The following TEX11 variants were observed in gnomAD, a reference collection of about 807,000 sequenced individuals.
TEX11 encodes the protein testis expressed 11.
In TEX11, 7 loss-of-function variants were observed where a neutral mutation model predicts 84.4. The ratio of observed to expected loss-of-function variants is 0.08; its 90% confidence interval spans 0.05 to 0.16. The LOEUF (loss-of-function observed/expected upper bound fraction) is 0.16. TEX11 is among the 10% of genes least tolerant of loss of function. The probability of loss-of-function intolerance (pLI) is 1.00; values close to 1 mark genes in which losing one functional copy is unlikely to be tolerated. For synonymous variants in TEX11, 264 were observed against 222.8 expected, an observed-to-expected ratio of 1.18 and a Z score of -1.64; for missense variants, 551 against 660.5, an observed-to-expected ratio of 0.83 and a Z score of 1.82.
intron 7 of TEX11, among the ~76,000 whole-genome samples, chrX:70,842,240 C>T: frequency 9.0e-6 from 1 of 111,597 alleles, no homozygotes. Context: ...CAGTAAAATA[C>T]TCACAAACCG....
intron 25 of TEX11, among the ~76,000 whole-genome samples, chrX:70,584,134 T>A (rs1201795675): frequency 2.9e-5 from 3 of 101,713 alleles, no homozygotes; most frequent in African/African-American, 1.1e-4. Flanking sequence ...AAAAAAAAAA[T>A]TAGCCGGGCG....
intron 25 of TEX11, among the ~76,000 whole-genome samples, chrX:70,564,495 C>A (rs906915285): frequency 2.0e-4 from 22 of 108,868 alleles, no homozygotes; most frequent in Non-Finnish European, 3.8e-4. Context: ...TGATGGTGTG[C>A]TGCACCCATT....
intron 4 of TEX11, among the ~76,000 whole-genome samples, chrX:70,869,648 T>C (rs1217489374): frequency 9.0e-6 from 1 of 111,369 alleles, no homozygotes; most frequent in Non-Finnish European, 1.9e-5. Context: ...TGATGCCACA[T>C]GCCTTGTAGT....
intron 28 of TEX11, among the ~76,000 whole-genome samples, chrX:70,535,033 G>C (rs1361688168): frequency 2.7e-5 from 3 of 111,368 alleles, no homozygotes; most frequent in Non-Finnish European, 5.7e-5. Flanking sequence ...TTATAGATTG[G>C]CCTTTTCTGG....
At chrX:70,615,659 GAT>G (rs2089309829) in intron 20 of TEX11, among the ~76,000 whole-genome samples, 1 of 111,622 alleles carries the variant, frequency 9.0e-6, no homozygotes, top group African/African-American at 3.3e-5. Flanking sequence ...TCTAGAGAAA[GAT>G]ATCAATATCC....
intron 2 of TEX11, among the ~76,000 whole-genome samples, chrX:70,894,179 T>C (rs1056263160): frequency 9.0e-6 from 1 of 110,931 alleles, no homozygotes; most frequent in Non-Finnish European, 1.9e-5. Flanking sequence ...TCCGAAACTA[T>C]TCCAAACAAT....
At chrX:70,648,153 TATAG>T (rs1315919156) in intron 17 of TEX11, among the ~76,000 whole-genome samples, 3 of 111,041 alleles carry the variant, frequency 2.7e-5, no homozygotes, top group Admixed American at 9.6e-5. Context: ...CTCAGCAAAC[TATAG>T]TAAGGACAAA....
At chrX:70,527,424 A>G (rs772658686), downstream of TEX11, among the ~76,000 whole-genome samples, 1 of 111,930 alleles carries the variant, frequency 8.9e-6, no homozygotes, top group Admixed American at 9.6e-5. Flanking sequence ...ACTGAAGCTA[A>G]TCATTAGGAA....
At chrX:70,671,121 A>T (rs1189107112) in intron 15 of TEX11, among the ~76,000 whole-genome samples, 7 of 111,837 alleles carry the variant, frequency 6.3e-5, no homozygotes, top group Non-Finnish European at 1.9e-5. Flanking sequence ...TTACTATTGT[A>T]ATTGATGCTG....
At chrX:70,729,315 T>C (rs1231959492) in intron 11 of TEX11, among the ~76,000 whole-genome samples, 1 of 112,342 alleles carries the variant, frequency 8.9e-6, no homozygotes, top group Non-Finnish European at 1.9e-5. Flanking sequence ...GGATGGAGAA[T>C]GACTTTGACG....
At chrX:70,779,522 C>T (rs1192778902) in intron 9 of TEX11, among the ~76,000 whole-genome samples, 1 of 108,252 alleles carries the variant, frequency 9.2e-6, no homozygotes, top group Non-Finnish European at 1.9e-5. Flanking sequence ...AAGAACAAAG[C>T]CCAAAGTTAA....
At chrX:70,901,089 A>G (rs181585137) in intron 2 of TEX11, among the ~76,000 whole-genome samples, 1 of 111,744 alleles carries the variant, frequency 8.9e-6, no homozygotes, top group East Asian at 2.8e-4. Flanking sequence ...ATGGTGGCGC[A>G]TGCCTATATT....
At chrX:70,631,874 C>T (rs1002490028) in intron 17 of TEX11, among the ~76,000 whole-genome samples, 2 of 73,104 alleles carry the variant, frequency 2.7e-5, no homozygotes, top group Non-Finnish European at 5.1e-5. Flanking sequence ...AAAGCCTTCC[C>T]CTTTGCATAT....
chrX:70,873,015 T>C (rs1455862583), intron 4 of TEX11, among the ~76,000 whole-genome samples: 1 of 111,142 alleles, frequency 9.0e-6, no homozygotes, highest in African/African-American at 3.3e-5. Flanking sequence ...TTTAAACGTT[T>C]GTTAATAAGG....
chrX:70,712,480 T>C (rs1157763614), intron 13 of TEX11, among the ~76,000 whole-genome samples: 1 of 111,625 alleles, frequency 9.0e-6, no homozygotes, highest in Non-Finnish European at 1.9e-5. Context: ...CAGTGGTTTG[T>C]AGTTCTCCTT....
intron 9 of TEX11, among the ~76,000 whole-genome samples, chrX:70,776,777 A>G (rs2091004640): frequency 9.1e-6 from 1 of 110,339 alleles, no homozygotes; most frequent in Non-Finnish European, 1.9e-5. Flanking sequence ...GGGAGAGGGG[A>G]GAAAAGGGGA....
intron 9 of TEX11, among the ~76,000 whole-genome samples, chrX:70,745,770 A>G (rs2147750506): frequency 8.9e-6 from 1 of 112,167 alleles, no homozygotes; most frequent in South Asian, 3.7e-4. Context: ...CATAAACTAT[A>G]AATGACCCAG....
At chrX:70,732,520 G>A (rs1352672189) in intron 11 of TEX11, among the ~76,000 whole-genome samples, 1 of 111,489 alleles carries the variant, frequency 9.0e-6, no homozygotes, top group Non-Finnish European at 1.9e-5. Flanking sequence ...GTCAAACAGA[G>A]AGCCAAATCA....
intron 17 of TEX11, among the ~76,000 whole-genome samples, chrX:70,642,290 C>G (rs1018238497): frequency 1.8e-5 from 2 of 111,288 alleles, no homozygotes; most frequent in African/African-American, 6.5e-5. Flanking sequence ...GCTTACCAAC[C>G]AAAAAGAATC....
Sources: allele counts gnomAD v4.1 joint callset (sites outside exome capture counted in the v4.1 genomes callset), GRCh38; gene constraint gnomAD v4.1.1; transcripts MANE v1.5; gene names NCBI Gene and HGNC (gene_info 2026-07-23, HGNC 2026-07-21).